URB2: variants seen among roughly 807,000 people sequenced by gnomAD.
URB2 encodes URB2 ribosome biogenesis homolog, also known as unhealthy ribosome biogenesis protein 2 homolog.
In URB2, 86 loss-of-function variants were observed where a neutral mutation model predicts 120.9. The observed-to-expected ratio is 0.71, with a 90% CI of 0.60 to 0.85. The LOEUF (loss-of-function observed/expected upper bound fraction) is 0.85. URB2 is among the 40% of genes least tolerant of loss of function. URB2 has a pLI of 0.00. For synonymous variants in URB2, 755 were observed against 758.4 expected (o/e 1.00, Z 0.07); for missense variants, 1,765 against 1,836.5 (o/e 0.96, Z 0.71).
At chr1:229,644,274 G>A (rs1466009637) in intron 5 of URB2, among the ~76,000 whole-genome samples, 5 of 152,244 alleles carry the variant, frequency 3.3e-5, no homozygotes, top group Non-Finnish European at 7.3e-5. Flanking sequence ...GCCAATGGTT[G>A]GTGGGGCAGA....
At position 229,634,497 on chromosome 1, in the gene URB2, G is replaced by T. The variant is rs183476707; in HGVS notation, c.304-420G>T. ...TGGGATTACGGGTGTGAGGCACTGT[G>T]CCTGGCCTATAAACATGTATTTTGG... On this transcript the variant is annotated intron_variant, in intron 3 of 9. Transcript: ENST00000258243. Among the ~76,000 whole-genome samples the T allele has an allele frequency of 9.4e-4, 143 of 152,316 alleles. 1 individual carries two copies. Among genetic ancestry groups the T allele is most frequent in the Admixed American group, 3.8e-3 (58 of 15,302 alleles).
chr1:229,653,768 A>G (rs907598094), intron 8 of URB2, among the ~76,000 whole-genome samples: 2 of 152,186 alleles, frequency 1.3e-5, no homozygotes, highest in African/African-American at 4.8e-5. Context: ...ATGTCTGTCC[A>G]CCTATAAAAG....
At chr1:229,658,544 A>G (rs1345680703) in intron 9 of URB2, among the ~76,000 whole-genome samples, 1 of 152,216 alleles carries the variant, frequency 6.6e-6, no homozygotes, top group Non-Finnish European at 1.5e-5. Flanking sequence ...CTTGGGTGAT[A>G]TGATGTGATC....
intron 9 of URB2, among the ~76,000 whole-genome samples, chr1:229,658,115 T>C (rs935487373): frequency 2.0e-5 from 3 of 152,210 alleles, no homozygotes; most frequent in East Asian, 1.9e-4. Context: ...TACATTCTTA[T>C]ATTGTGCAGC....
At chr1:229,646,110 C>T (rs1230030812) in intron 6 of URB2, 141 bp downstream of exon 6, 4 of 717,714 alleles carry the variant, frequency 5.6e-6, no homozygotes, top group Non-Finnish European at 9.5e-6. Context: ...CGGTGGTGAG[C>T]AGGATGCCGA....
At chr1:229,638,432 C>T (rs1665912997) in intron 4 of URB2, among the ~76,000 whole-genome samples, 185 bp downstream of exon 4, 2 of 151,778 alleles carry the variant, frequency 1.3e-5, no homozygotes, top group Admixed American at 6.6e-5. Context: ...GATCACAAGG[C>T]CAGGAGATCG....
Position 229,660,087 on chromosome 1 carries a change from G to T in URB2, c.*790G>T, listed in dbSNP as rs1273682628. 2 of 152,142 alleles carry T rather than the reference G, an allele frequency of 1.3e-5. No homozygotes were observed. Among genetic ancestry groups the T allele is most frequent in the African/African-American group, 4.8e-5 (2 of 41,426 alleles). 9.4% of individuals were successfully genotyped at this position (152,142 alleles called of 1,614,324 possible). A position where few individuals can be genotyped will look rare whatever the true frequency, so the allele number is the denominator to read the frequency against. ...AGTCTCAGTTACCCAGATAACCTCGGTTGTCACCTTGGAGTATCTTGTTGT... is the reference window on the plus strand; with the variant it reads ...AGTCTCAGTTACCCAGATAACCTCGTTTGTCACCTTGGAGTATCTTGTTGT... On this transcript the variant is annotated 3_prime_UTR_variant, in exon 10 of 10. Coordinates refer to ENST00000258243, the MANE Select transcript of URB2 (RefSeq NM_014777.4).
intron 4 of URB2, among the ~76,000 whole-genome samples, chr1:229,641,130 G>A (rs1051897637): frequency 6.7e-6 from 1 of 149,868 alleles, no homozygotes; most frequent in Non-Finnish European, 1.5e-5. Flanking sequence ...CCCATGCCTC[G>A]GCCTCCTGAG....
At chr1:229,649,506 A>G (rs1014280871) in intron 7 of URB2, among the ~76,000 whole-genome samples, 2 of 152,262 alleles carry the variant, frequency 1.3e-5, no homozygotes, top group African/African-American at 2.4e-5. Flanking sequence ...ATTTAGTGGA[A>G]TTAGATCATT....
rs202130043 is a variant in URB2, at chr1:229,637,055, C to T, written c.2442C>T (p.Cys814=). The T allele has an allele frequency of 3.9e-4, 624 of 1,614,022 alleles. 6 individuals are homozygous for T. In the South Asian group the frequency reaches 5.1e-3, roughly 13 times the overall value. Residue 814 remains cysteine (C), a synonymous_variant, in exon 4 of 10, where the codon TGC becomes TGT. Transcript: ENST00000258243. ...CCCTTCATTCTGCTTTCTTAACGTG[C>T]GTAACCACAAGTTGCTCCAGCATTC... ...MQSLHSAFLT[C]VTTSCSSILC...
At chr1:229,653,345 A>G (rs1360104409) in intron 8 of URB2, among the ~76,000 whole-genome samples, 2 of 152,212 alleles carry the variant, frequency 1.3e-5, no homozygotes, top group Non-Finnish European at 2.9e-5. Flanking sequence ...AAAGTATAAA[A>G]TTTAATGGGT....
chr1:229,657,745 T>A (rs1360511831), intron 9 of URB2, among the ~76,000 whole-genome samples: 1 of 152,232 alleles, frequency 6.6e-6, no homozygotes, highest in Non-Finnish European at 1.5e-5. Flanking sequence ...AGATGATCAC[T>A]TGTCAGAAAT....
chr1:229,658,614 C>T (rs1666455584), intron 9 of URB2, among the ~76,000 whole-genome samples: 1 of 152,168 alleles, frequency 6.6e-6, no homozygotes, highest in South Asian at 2.1e-4. Context: ...CTGCCTGCTG[C>T]CTTGCTCTGG....
intron 9 of URB2, among the ~76,000 whole-genome samples, chr1:229,656,595 G>A (rs572071194): frequency 3.9e-5 from 6 of 152,188 alleles, no homozygotes; most frequent in African/African-American, 1.2e-4. Flanking sequence ...CTAGACCAGC[G>A]TGTTTAAGTT....
chr1:229,647,450 T>G, intron 6 of URB2, 60 bp from the exon 7 acceptor site: 2 of 1,570,998 alleles, frequency 1.3e-6, no homozygotes, highest in African/African-American at 1.3e-5. Context: ...AGCTGCAGTG[T>G]TTGTGTTATT....
At chr1:229,650,758 T>C (rs796747477) in intron 7 of URB2, 31 of 152,286 alleles carry the variant, frequency 2.0e-4, no homozygotes, top group African/African-American at 6.3e-4. Flanking sequence ...GATGAAGTTT[T>C]CAAGCAGACC....
chr1:229,645,819 A>T, intron 5 of URB2, 40 bp from the exon 6 acceptor site: 1 of 1,559,786 alleles, frequency 6.4e-7, no homozygotes, highest in Non-Finnish European at 8.8e-7. Context: ...AAGGGAGAAC[A>T]CGCTATCTCT....
intron 4 of URB2, among the ~76,000 whole-genome samples, chr1:229,639,261 A>T (rs1665940361): frequency 6.6e-6 from 1 of 151,866 alleles, no homozygotes; most frequent in Non-Finnish European, 1.5e-5. Flanking sequence ...CTGCCATTGT[A>T]CTCCAGCCTG....
chr1:229,630,725 C>T (rs981040721), intron 2 of URB2, among the ~76,000 whole-genome samples: 6 of 152,098 alleles, frequency 3.9e-5, no homozygotes, highest in African/African-American at 7.2e-5. Context: ...CAGTGGCTCA[C>T]GCCTGTAATC....
Sources: gnomAD v4.1 joint callset for allele counts (sites outside exome capture counted in the v4.1 genomes callset) on GRCh38, gnomAD v4.1.1 for gene constraint, MANE v1.5 for transcripts, NCBI Gene and HGNC (gene_info 2026-07-23, HGNC 2026-07-21) for gene names.